Variants in ERMARD observed in about 807,000 individuals in gnomAD.
The protein encoded by ERMARD is endoplasmic reticulum membrane-associated RNA degradation protein.
Under a neutral mutation model 83.9 loss-of-function variants are expected in ERMARD, and 71 were observed. The ratio of observed to expected loss-of-function variants is 0.85; its 90% CI spans 0.70 to 1.03. The LOEUF (loss-of-function observed/expected upper bound fraction) is 1.03. ERMARD is among the 50% of genes least tolerant of loss of function. ERMARD has a pLI of 0.00. For synonymous variants in ERMARD, 284 were observed against 298.6 expected (o/e 0.95, Z 0.50); for missense variants, 838 against 810.9 (o/e 1.03, Z -0.41).
Position 169,779,297 on chromosome 6 carries a change from T to C in ERMARD, c.1853+2T>C. 6.2e-7 allele frequency: 1 copy of C among 1,612,926 alleles called. No individual in the cohort carries two copies. The highest frequency in any genetic ancestry group is 8.5e-7 in the Non-Finnish European group (1 of 1,178,914). ...GCATGAGTATCAGCAGTACCTAAAG[T>C]AAGTGTGTCACAGTATGTCTGCAGT... On this transcript the variant is annotated splice_donor_variant, in intron 17 of 17. Transcript: ENST00000366773. LOFTEE classifies it high-confidence loss of function.
intron 3 of ERMARD, 73 bp downstream of exon 3, chr6:169,755,495 T>G: frequency 1.3e-6 from 2 of 1,563,990 alleles, no homozygotes; most frequent in Non-Finnish European, 1.7e-6. Flanking sequence ...TATTTGCCAA[T>G]TTTAAAGGGG....
rs570418535 is a variant in ERMARD, at chr6:169,769,619, A to C, written c.1139A>C (p.His380Pro). ...TTAAGCCACGGGGAGATCAACTTACATGAATTTTCAAAAGAAACAACTAAT... is the reference window on the plus strand; with the variant it reads ...TTAAGCCACGGGGAGATCAACTTACCTGAATTTTCAAAAGAAACAACTAAT... The part of the protein sequence containing the change: ...DHLSHGEINL[H>P]EFSKETTNQL... Residue 380 changes from histidine to proline, a missense_variant, in exon 12 of 18, where the codon CAT (histidine) becomes CCT (proline). Coordinates refer to ENST00000366773, the MANE Select transcript of ERMARD (RefSeq NM_018341.3). 1.5e-5 allele frequency: 25 copies of C among 1,613,510 alleles called. 1 individual carries two copies. In the South Asian group the frequency reaches 2.6e-4, roughly 17 times the overall value.
intron 9 of ERMARD, among the ~76,000 whole-genome samples, 162 bp downstream of exon 9, chr6:169,762,693 A>T (rs1791706350): frequency 6.6e-6 from 1 of 152,168 alleles, no homozygotes; most frequent in East Asian, 1.9e-4. Context: ...ATTTATATTT[A>T]TGTTATTTAT....
chr6:169,762,918 A>G (rs571592177), intron 9 of ERMARD, among the ~76,000 whole-genome samples: 2 of 152,284 alleles, frequency 1.3e-5, no homozygotes, highest in East Asian at 3.9e-4. Context: ...GAGTTTCTCC[A>G]TCTTACAAAT....
intron 16 of ERMARD, among the ~76,000 whole-genome samples, chr6:169,777,907 C>T (rs1793777372): frequency 1.3e-5 from 2 of 152,254 alleles, no homozygotes; most frequent in South Asian, 4.1e-4. Flanking sequence ...AATTTGTATT[C>T]ATTCATTCAT....
Position 169,755,308 on chromosome 6 carries a change from C to CGTGAGGCTGCTGGGCCCTGTGT in ERMARD, c.211_232dup (p.Val78AlafsTer6), listed in dbSNP as rs1563008098. ...AGCAGGGTCTGGATTACTGGGGAAGCGTGAGGCTGCTGGGCCCTGTGTGTG... is the reference window on the plus strand; with the variant it reads ...AGCAGGGTCTGGATTACTGGGGAAGCGTGAGGCTGCTGGGCCCTGTGTGTGAGGCTGCTGGGCCCTGTGTGTG... On this transcript the variant is annotated frameshift_variant, in exon 3 of 18. Transcript: ENST00000366773. LOFTEE classifies it high-confidence loss of function. The CGTGAGGCTGCTGGGCCCTGTGT allele has an allele frequency of 6.2e-7, 1 of 1,613,930 alleles. No individual in the cohort carries two copies. The highest frequency in any genetic ancestry group is 8.5e-7 in the Non-Finnish European group (1 of 1,179,964).
At chr6:169,766,142 G>C (rs1415295978) in intron 9 of ERMARD, among the ~76,000 whole-genome samples, 1 of 152,260 alleles carries the variant, frequency 6.6e-6, no homozygotes, top group African/African-American at 2.4e-5. Context: ...TCGGTTGCCT[G>C]TAGGTTTCAT....
intron 14 of ERMARD, 133 bp from the exon 15 acceptor site, chr6:169,775,807 T>C: frequency 8.3e-7 from 1 of 1,211,604 alleles, no homozygotes; most frequent in Non-Finnish European, 1.1e-6. Context: ...GGTGGCTTTT[T>C]CCATTTTATA....
intron 17 of ERMARD, among the ~76,000 whole-genome samples, chr6:169,780,385 C>T (rs1330854654): frequency 1.3e-5 from 2 of 152,162 alleles, no homozygotes; most frequent in African/African-American, 4.8e-5. Flanking sequence ...TGTGGCTTTT[C>T]ATTATATTAT....
intron 5 of ERMARD, among the ~76,000 whole-genome samples, chr6:169,757,675 A>G (rs922991183): frequency 1.3e-5 from 2 of 152,196 alleles, no homozygotes; most frequent in Non-Finnish European, 2.9e-5. Context: ...AGATGGAGAA[A>G]CCCAGAAGAG....
At chr6:169,751,543 C>G, upstream of ERMARD, 4 of 1,610,578 alleles carry the variant, frequency 2.5e-6, 1 homozygote, top group Middle Eastern at 1.7e-4. Flanking sequence ...GGGCGGAAGT[C>G]TCCCACCTGC....
chr6:169,761,034 G>A (rs185448207), intron 8 of ERMARD, among the ~76,000 whole-genome samples: 1 of 152,274 alleles, frequency 6.6e-6, no homozygotes, highest in East Asian at 1.9e-4. Flanking sequence ...AACATGTTCA[G>A]AATCATGAAA....
intron 1 of ERMARD, 85 bp downstream of exon 1, chr6:169,751,748 G>A (rs1790129527): frequency 6.9e-7 from 1 of 1,446,302 alleles, no homozygotes; most frequent in African/African-American, 1.5e-5. Context: ...ACGCGGAGTG[G>A]GCGAGCGAGC....
At chr6:169,776,277 T>A (rs1793579348) in intron 15 of ERMARD, 178 bp from the exon 16 acceptor site, 3 of 1,550,290 alleles carry the variant, frequency 1.9e-6, no homozygotes, top group Admixed American at 2.0e-5. Context: ...ACATTCTGTT[T>A]GCCACAATTC....
chr6:169,765,993 G>A (rs1360094978), intron 9 of ERMARD, among the ~76,000 whole-genome samples: 1 of 80,080 alleles, frequency 1.2e-5, no homozygotes, highest in Non-Finnish European at 2.5e-5. Flanking sequence ...AAGTGATTTC[G>A]TCATGCTGTC....
At chr6:169,752,594 C>A (rs772553896) in intron 1 of ERMARD, among the ~76,000 whole-genome samples, 1 of 152,162 alleles carries the variant, frequency 6.6e-6, no homozygotes, top group Non-Finnish European at 1.5e-5. Context: ...AGTGCAACTT[C>A]TGGGTGCAGG....
intron 17 of ERMARD, among the ~76,000 whole-genome samples, chr6:169,780,644 C>A (rs1794099192): frequency 6.6e-6 from 1 of 152,310 alleles, no homozygotes; most frequent in South Asian, 2.1e-4. Context: ...AGGGGGAGGG[C>A]ACGCTGCCCA....
At chr6:169,776,921 C>T (rs1002471194) in intron 16 of ERMARD, among the ~76,000 whole-genome samples, 1 of 152,222 alleles carries the variant, frequency 6.6e-6, no homozygotes, top group Admixed American at 6.5e-5. Context: ...GCCCTGACGG[C>T]ATGTACCCCA....
rs1268868000 is a variant in ERMARD at position 169,768,158 on chromosome 6, G to A, written c.1046G>A (p.Gly349Glu). 1 of 1,613,986 alleles carries A rather than the reference G, an allele frequency of 6.2e-7. No homozygotes were observed. Among genetic ancestry groups the A allele is most frequent in the Non-Finnish European group, 8.5e-7 (1 of 1,179,924 alleles). The change falls in exon 11 of 18, where the codon GGA becomes GAA. Residue 349 changes from glycine to glutamate, a missense_variant. Gly to Glu is a moderately conservative substitution (Grantham distance 98). Coordinates refer to ENST00000366773, the MANE Select transcript of ERMARD (RefSeq NM_018341.3). ...ATCAATCAGCTTCCTCTTTTCCTTG[G>A]AGAGCCTGCTATGGTAAGTATTAGG... Reference protein sequence around the residue: ...GKINQLPLFLGEPAMEFLWDF... With the variant: ...GKINQLPLFLEEPAMEFLWDF...
Sources: allele counts gnomAD v4.1 joint callset (sites outside exome capture counted in the v4.1 genomes callset), GRCh38; gene constraint gnomAD v4.1.1; transcripts MANE v1.5; gene names NCBI Gene and HGNC (gene_info 2026-07-23, HGNC 2026-07-21).